Variants in BCAR1 observed in about 807,000 individuals in gnomAD.
BCAR1 encodes the protein breast cancer anti-estrogen resistance protein 1.
In BCAR1, 30 loss-of-function variants were observed where a neutral mutation model predicts 67.6. The observed-to-expected ratio is 0.44, with a 90% CI of 0.33 to 0.60. The LOEUF (loss-of-function observed/expected upper bound fraction) is 0.60, where lower values mean the gene tolerates loss of function less well. Among genes scored for constraint, BCAR1 ranks in the 20% least tolerant of loss-of-function variants. The pLI, the probability that BCAR1 is intolerant of heterozygous loss-of-function variation, is 0.02. For missense variants in BCAR1, 1,313 were observed against 1,222.3 expected (o/e 1.07, Z -1.11); for synonymous variants, 626 against 556.7 (o/e 1.12, Z -1.75).
chr16:75,240,519 A>C (rs948595047), intron 2 of BCAR1, among the ~76,000 whole-genome samples: 1 of 152,354 alleles, frequency 6.6e-6, no homozygotes. Flanking sequence ...TACAACTTTG[A>C]AATGCAAAAC....
At chr16:75,243,220 G>A (rs185251881) in intron 1 of BCAR1, 130 bp from the exon 2 acceptor site, 36 of 994,286 alleles carry the variant, frequency 3.6e-5, no homozygotes, top group East Asian at 2.1e-4. Context: ...GGAGTTTGGC[G>A]AGATCATTGT....
At chr16:75,255,326 C>T (rs991328931), upstream of BCAR1, among the ~76,000 whole-genome samples, 11 of 152,074 alleles carry the variant, frequency 7.2e-5, no homozygotes, top group South Asian at 1.9e-3. Flanking sequence ...TTCCTGAGGC[C>T]GGAGGTGAGC....
At chr16:75,264,588 C>A in intron 1 of BCAR1, 1 of 1,296,820 alleles carries the variant, frequency 7.7e-7, no homozygotes, top group Non-Finnish European at 9.8e-7. Flanking sequence ...GTCTGGAAGC[C>A]CTCATTTTTT....
At position 75,235,325 on chromosome 16, in the gene BCAR1, G is replaced by A. The variant is rs148628374; in HGVS notation, c.1574C>T (p.Ala525Val). 1.6e-5 allele frequency: 25 copies of A among 1,601,660 alleles called. No individual in the cohort carries two copies. Among genetic ancestry groups the A allele is most frequent in the Admixed American group, 5.0e-5 (3 of 59,828 alleles). The change falls in exon 5 of 7, where the codon GCG becomes GTG. Residue 525 changes from alanine to valine, a missense_variant. By Grantham distance (64) the Ala-to-Val change is moderately conservative. Transcript: ENST00000162330. ...VHELLEFARS[A>V]VGNAAHTSDR... ...AGATGTGTGGGCAGCATTGCCCACC[G>A]CGCTGCGGGCAAACTCCAACAGCTC...
At position 75,229,763 on chromosome 16, in the gene BCAR1, G is replaced by C; in HGVS notation, c.2361C>G (p.Leu787=). 1 of 1,613,400 alleles carries C rather than the reference G, an allele frequency of 6.2e-7. No homozygotes were observed. Among genetic ancestry groups the C allele is most frequent in the Admixed American group, 1.7e-5 (1 of 60,024 alleles). ...IFVAHSKFVI[L]SAHKLVFIGD... ...CGATGAACACCAGCTTGTGGGCGCT[G>C]AGGATGACGAACTTGCTGTGCGCCA... Residue 787 remains leucine (L), a synonymous_variant, in exon 7 of 7, where the codon CTC becomes CTG. Coordinates refer to ENST00000162330, the MANE Select transcript of BCAR1 (RefSeq NM_014567.5).
At chr16:75,249,085 A>C (rs1004942896) in intron 1 of BCAR1, 2 of 152,686 alleles carry the variant, frequency 1.3e-5, no homozygotes, top group African/African-American at 4.8e-5. Context: ...CTGCAACCCA[A>C]AACACCCCAC....
intron 5 of BCAR1, 138 bp from the exon 6 acceptor site, chr16:75,234,073 G>GCACACACACACTAGCACACGTGGACA (rs1181695705): frequency 2.1e-5 from 15 of 707,736 alleles, no homozygotes; most frequent in Middle Eastern, 3.5e-4. Context: ...ACACGTGGAC[G>GCACACACACACTAGCACACGTGGACA]CACACACACA....
rs750206331 is a variant in BCAR1, at chr16:75,229,170, A to G, written c.*341T>C. The G allele has an allele frequency of 1.6e-4, 42 of 268,992 alleles. No individual in the cohort carries two copies. Among genetic ancestry groups the G allele is most frequent in the Non-Finnish European group, 2.1e-4 (30 of 142,946 alleles). The allele number at this position is 268,992 out of a possible 1,614,324, so 16.7% of individuals were successfully genotyped here. On this transcript the variant is annotated 3_prime_UTR_variant, in exon 7 of 7. Transcript: ENST00000162330. The stretch of plus-strand genomic sequence containing the variant: ...AACTGCACTGGCCCTGTCAGGGGAC[A>G]CGGCACCCTCGTGGGACCAGGCTCA...
intron 2 of BCAR1, 111 bp from the exon 3 acceptor site, chr16:75,237,455 G>T (rs1305222476): frequency 1.6e-6 from 2 of 1,289,380 alleles, no homozygotes; most frequent in Non-Finnish European, 2.0e-6. Flanking sequence ...ACACCAGGTG[G>T]AAGGGACGGG....
rs764472227 is a variant in BCAR1, at chr16:75,235,238, G to A, written c.1661C>T (p.Thr554Met). ...QLQKMEDVHQ[T>M]LVAHGQALDA... ...GAGGGCCTGACCATGTGCCACCAGCGTCTGGTGCACGTCCTCCATCTTCTG... is the reference window on the plus strand; with the variant it reads ...GAGGGCCTGACCATGTGCCACCAGCATCTGGTGCACGTCCTCCATCTTCTG... Residue 554 changes from threonine to methionine, a missense_variant, in exon 5 of 7, where the codon ACG becomes ATG. Transcript: ENST00000162330. The A allele has an allele frequency of 7.3e-5, 118 of 1,606,944 alleles. No individual in the cohort carries two copies. The highest frequency in any genetic ancestry group is 8.9e-5 in the Non-Finnish European group (105 of 1,175,852).
At chr16:75,260,064 G>A (rs2077869095) in intron 1 of BCAR1, among the ~76,000 whole-genome samples, 1 of 151,158 alleles carries the variant, frequency 6.6e-6, no homozygotes, top group Non-Finnish European at 1.5e-5. Context: ...AATAGTGGTG[G>A]GCACCTATAA....
intron 4 of BCAR1, chr16:75,236,384 T>G (rs951234722): frequency 6.3e-6 from 2 of 319,320 alleles, no homozygotes; most frequent in Non-Finnish European, 1.2e-5. Flanking sequence ...CACCATCATA[T>G]CATGATTTCA....
intron 1 of BCAR1, among the ~76,000 whole-genome samples, chr16:75,261,116 T>C (rs8052373): frequency 0.68 from 103,895 of 152,144 alleles, 35,922 homozygotes; most frequent in East Asian, 0.92. Context: ...CCTTCCACAC[T>C]TCTGCCGAGG....
At chr16:75,238,349 A>G in intron 2 of BCAR1, 1 of 1,114,688 alleles carries the variant, frequency 9.0e-7, no homozygotes, top group African/African-American at 1.7e-5. Context: ...CTCCACTGAA[A>G]GACCTTTTGT....
At position 75,234,961 on chromosome 16, in the gene BCAR1, C is replaced by G. The variant is rs1384005798; in HGVS notation, c.1938G>C (p.Gln646His). 1 of 1,597,376 alleles carries G rather than the reference C, an allele frequency of 6.3e-7. No individual in the cohort carries two copies. The highest frequency in any genetic ancestry group is 8.6e-7 in the Non-Finnish European group (1 of 1,168,832). ...PLPSPPKFTS[Q>H]DSPDGQYENS... is the part of the protein sequence containing the mutation. ...TCTCGTACTGCCCATCTGGCGAGTC[C>G]TGGGAGGTGAACTTAGGGGGTGAGG... Residue 646 changes from glutamine (Q) to histidine (H), a missense_variant, in exon 5 of 7, where the codon CAG (glutamine) becomes CAC (histidine). By Grantham distance (24) the Gln-to-His change is conservative. This residue lies in a region of BCAR1 where 1,272 missense variants were observed against 1,137.5 expected (regional missense o/e 1.12). Coordinates refer to ENST00000162330, the MANE Select transcript of BCAR1 (RefSeq NM_014567.5).
At chr16:75,259,378 G>C (rs548735031) in intron 1 of BCAR1, among the ~76,000 whole-genome samples, 105 of 152,340 alleles carry the variant, frequency 6.9e-4, no homozygotes, top group African/African-American at 2.0e-3. Context: ...CATGCCTATA[G>C]TCCCAGCTAC....
chr16:75,242,532 T>C lies in BCAR1; in HGVS notation c.571A>G (p.Ile191Val), dbSNP rs566726506. 5 of 1,486,820 alleles carry C rather than the reference T, an allele frequency of 3.4e-6. No homozygotes were observed. Among genetic ancestry groups the C allele is most frequent in the South Asian group, 2.9e-5 (2 of 69,490 alleles). 92.1% of individuals were successfully genotyped at this position (1,486,820 alleles called of 1,614,324 possible). A position where few individuals can be genotyped will look rare whatever the true frequency, so the allele number is the denominator to read the frequency against. Residue 191 changes from isoleucine (I) to valine (V), a missense_variant, in exon 2 of 7, where the codon ATC becomes GTC. By Grantham distance (29) the Ile-to-Val change is conservative (BLOSUM62 3). Transcript: ENST00000162330. ...VPPSAGMGHDIYQVPPSMDTR... is the reference protein window; with the variant it reads ...VPPSAGMGHDVYQVPPSMDTR... ...TCCATGGACGGGGGGACCTGGTAGA[T>C]GTCATGCCCCATCCCGGCAGAAGGT...
chr16:75,258,297 C>G (rs2077825979), intron 1 of BCAR1, among the ~76,000 whole-genome samples: 1 of 152,228 alleles, frequency 6.6e-6, no homozygotes, highest in African/African-American at 2.4e-5. Context: ...GGGGCAAAAT[C>G]TTTCCTTGGA....
chr16:75,238,739 T>G, intron 2 of BCAR1: 1 of 985,446 alleles, frequency 1.0e-6, no homozygotes, highest in Non-Finnish European at 1.2e-6. Context: ...CAGACTCATC[T>G]CCCTCCACGC....
Sources: gnomAD v4.1 joint callset for allele counts (sites outside exome capture counted in the v4.1 genomes callset) on GRCh38, gnomAD v4.1.1 for gene constraint, gnomAD v4.1.1 regional missense constraint, MANE v1.5 for transcripts, NCBI Gene and HGNC (gene_info 2026-07-23, HGNC 2026-07-21) for gene names.